Variants in ARSL observed in about 807,000 individuals in gnomAD.
ARSL encodes arylsulfatase L.
A neutral mutation model predicts 31.1 loss-of-function variants in ARSL; 4 were observed. That is an observed-to-expected ratio of 0.13 (90% CI 0.06 to 0.29). The LOEUF is 0.29. Ranked by LOEUF, ARSL falls within the 10% of genes least tolerant of loss-of-function variation. ARSL has a pLI of 1.00. For synonymous variants in ARSL, 198 were observed against 209.9 expected (o/e 0.94, Z 0.49); for missense variants, 312 against 497.8 (o/e 0.63, Z 3.55).
At chrX:2,947,390 A>G (rs1223782273) in intron 6 of ARSL, among the ~76,000 whole-genome samples, 1 of 112,470 alleles carries the variant, frequency 8.9e-6, no homozygotes, top group African/African-American at 3.2e-5. Context: ...CACACATTCC[A>G]TTTTCTTTAT....
intron 2 of ARSL, among the ~76,000 whole-genome samples, chrX:2,959,406 A>T (rs2089570954): frequency 9.0e-6 from 1 of 111,644 alleles, no homozygotes; most frequent in Non-Finnish European, 1.9e-5. Flanking sequence ...TTGGTGACAT[A>T]CAGCCTGCCA....
intron 7 of ARSL, among the ~76,000 whole-genome samples, chrX:2,944,424 A>C (rs1220200396): frequency 9.6e-6 from 1 of 104,433 alleles, no homozygotes; most frequent in Non-Finnish European, 2.0e-5. Context: ...ATTGCACTCC[A>C]GCCTGGGCAA....
At position 2,960,148 on chromosome X, in the gene ARSL, A is replaced by C. The variant is rs1031054629; in HGVS notation, c.23+230T>G. Among the ~76,000 whole-genome samples, 3 of 86,593 alleles carry C rather than the reference A, an allele frequency of 3.5e-5. 1 individual carries two copies. Among genetic ancestry groups the C allele is most frequent in the Non-Finnish European group, 7.1e-5 (3 of 41,961 alleles). 75.2% of individuals were successfully genotyped at this position (86,593 alleles called of 115,157 possible). ...GCCGGGCGTGGTGGCAGGCGCCTGT[A>C]GTCCCAGCTACTCGGGAGGCTGAGG... On this transcript the variant is annotated intron_variant, in intron 2 of 10. Coordinates refer to ENST00000381134, the MANE Select transcript of ARSL (RefSeq NM_000047.3).
At chrX:2,940,017 A>C (rs2089260071) in intron 8 of ARSL, among the ~76,000 whole-genome samples, 1 of 108,618 alleles carries the variant, frequency 9.2e-6, no homozygotes. Flanking sequence ...ACAGGCGTGC[A>C]CCACCACGCC....
At chrX:2,936,356 G>A (rs764771999) in intron 10 of ARSL, among the ~76,000 whole-genome samples, 2 of 111,319 alleles carry the variant, frequency 1.8e-5, no homozygotes, top group Non-Finnish European at 3.8e-5. Context: ...GAAAAGTCTT[G>A]AACACATGTG....
rs1041076068 is a variant in ARSL, at chrX:2,959,460, C to G, written c.23+918G>C. 3 of 777,161 alleles carry G rather than the reference C, an allele frequency of 3.9e-6. No homozygotes were observed. In the African/African-American group the frequency reaches 6.5e-5, roughly 17 times the overall value. 64.0% of individuals were successfully genotyped at this position (777,161 alleles called of 1,213,427 possible). On this transcript the variant is annotated intron_variant, in intron 2 of 10. Transcript: ENST00000381134. ...TCATCGATGCCACCCTGGGAATGCA[C>G]ATGGACAGCAGGGCCATAGTGTCCC... is the stretch of plus-strand genomic sequence containing the variant.
chrX:2,956,942 C>T (rs1395318228), intron 3 of ARSL, among the ~76,000 whole-genome samples: 2 of 107,759 alleles, frequency 1.9e-5, no homozygotes, highest in African/African-American at 6.8e-5. Context: ...AATTAATGTG[C>T]CAGGCGTGGT....
chrX:2,948,874 T>C (rs1268342747), intron 6 of ARSL, among the ~76,000 whole-genome samples: 1 of 111,413 alleles, frequency 9.0e-6, no homozygotes, highest in African/African-American at 3.3e-5. Context: ...TACCAAAAAA[T>C]TGTCCTTCTA....
At chrX:2,955,635 G>A in intron 3 of ARSL, 98 bp from the exon 4 acceptor site, 3 of 981,907 alleles carry the variant, frequency 3.1e-6, no homozygotes, top group African/African-American at 1.9e-5. Context: ...GCTGGTCATC[G>A]CTGAGTGCTT....
intron 9 of ARSL, among the ~76,000 whole-genome samples, chrX:2,937,543 G>C (rs1385839364): frequency 9.0e-6 from 1 of 111,349 alleles, no homozygotes; most frequent in African/African-American, 3.3e-5. Flanking sequence ...ACCCATTTAG[G>C]ATTAAACAAG....
rs756197646 is a variant in ARSL at position 2,961,662 on chromosome X, G to C, written c.-20-1242C>G. ...GATGTAAAGAATCTCTATTCACATA[G>C]ATATTCACATCTTTTTCTACCGGAC... On this transcript the variant is annotated intron_variant, in intron 1 of 10. Transcript: ENST00000381134. Among the ~76,000 whole-genome samples, 14 of 111,512 alleles carry C rather than the reference G, an allele frequency of 1.3e-4. No homozygotes were observed. The East Asian group carries it at 1.4e-3, about 11-fold the overall frequency.
At chrX:2,957,208 G>A (rs1280239393) in intron 3 of ARSL, among the ~76,000 whole-genome samples, 2 of 102,450 alleles carry the variant, frequency 2.0e-5, no homozygotes, top group Non-Finnish European at 1.9e-5. Context: ...GTGACAGAGC[G>A]AGACTCCGTC....
At chrX:2,946,175 A>G in intron 6 of ARSL, 41 bp from the exon 7 acceptor site, 1 of 1,185,734 alleles carries the variant, frequency 8.4e-7, no homozygotes, top group South Asian at 1.8e-5. Flanking sequence ...CTTTTTTGGT[A>G]AAACAGAGAT....
In ARSL at chrX:2,934,871, G is replaced by T; in HGVS notation, c.1731C>A (p.Phe577Leu). Residue 577 changes from phenylalanine to leucine, a missense_variant, in exon 11 of 11, where the codon TTC becomes TTA. Physicochemically the swap from Phe to Leu is conservative, Grantham distance 22. Transcript: ENST00000381134. ...RPWLQPCCGP[F>L]PLCWCLREDD... ...CTTCCCTAAGGCACCAGCAGAGGGGGAACGGGCCACAGCAGGGCTGCAGCC... is the reference window on the plus strand; with the variant it reads ...CTTCCCTAAGGCACCAGCAGAGGGGTAACGGGCCACAGCAGGGCTGCAGCC... 1 of 1,199,647 alleles carries T rather than the reference G, an allele frequency of 8.3e-7. No homozygotes were observed. Among genetic ancestry groups the T allele is most frequent in the Admixed American group, 2.2e-5 (1 of 45,602 alleles).
At chrX:2,963,170 G>A (rs1429167963) in intron 1 of ARSL, among the ~76,000 whole-genome samples, 4 of 111,885 alleles carry the variant, frequency 3.6e-5, no homozygotes, top group African/African-American at 9.7e-5. Flanking sequence ...TTGTTCGTTT[G>A]TTTTACCCTA....
In ARSL at chrX:2,936,819, G is replaced by T; in HGVS notation, c.1334C>A (p.Ala445Asp). Residue 445 changes from alanine to aspartate, a missense_variant, in exon 10 of 11, where the codon GCC becomes GAC. Transcript: ENST00000381134. ...QDLLPLLLGT[A>D]QHSDHEFLMH... is the part of the protein sequence containing the mutation. ...CAGGAACTCGTGGTCTGAGTGTTGG[G>T]CTGTCCCCAGGAGCAAGGGCAGAAG... 1 of 1,211,620 alleles carries T rather than the reference G, an allele frequency of 8.3e-7. No individual in the cohort carries two copies. Among genetic ancestry groups the T allele is most frequent in the Non-Finnish European group, 1.1e-6 (1 of 895,437 alleles).
chrX:2,964,826 T>C (rs2089684402), upstream of ARSL, among the ~76,000 whole-genome samples: 1 of 111,405 alleles, frequency 9.0e-6, no homozygotes. Flanking sequence ...AATATTAGGC[T>C]GGGCAGTGTG....
intron 1 of ARSL, among the ~76,000 whole-genome samples, chrX:2,962,532 G>A (rs1001770912): frequency 1.8e-5 from 2 of 110,707 alleles, no homozygotes; most frequent in East Asian, 2.9e-4. Context: ...GTGTGGGAGC[G>A]GGGAGGGCAG....
At chrX:2,967,971 A>G (rs2089711228), upstream of ARSL, among the ~76,000 whole-genome samples, 1 of 112,214 alleles carries the variant, frequency 8.9e-6, no homozygotes, top group Admixed American at 9.5e-5. Context: ...CCCATGTAAA[A>G]TCTGTACTTG....
Sources: allele counts gnomAD v4.1 joint callset (sites outside exome capture counted in the v4.1 genomes callset), GRCh38; gene constraint gnomAD v4.1.1; transcripts MANE v1.5; gene names NCBI Gene and HGNC (gene_info 2026-07-23, HGNC 2026-07-21).